RWDD2B: variants seen among roughly 807,000 people sequenced by gnomAD.
RWDD2B encodes RWD domain-containing protein 2B.
In RWDD2B, 36 loss-of-function variants were observed where a neutral mutation model predicts 33.6. That is an observed-to-expected ratio of 1.07 (90% CI 0.82 to 1.42). The LOEUF (loss-of-function observed/expected upper bound fraction) is 1.42, where lower values mean the gene tolerates loss of function less well. RWDD2B is among the 40% of genes most tolerant of loss of function. RWDD2B has a pLI of 0.00. For synonymous variants in RWDD2B, 126 were observed against 133.1 expected (o/e 0.95, Z 0.37); for missense variants, 364 against 377.5 (o/e 0.96, Z 0.30).
Position 29,006,568 on chromosome 21 carries a change from C to T in RWDD2B, c.809G>A (p.Arg270Lys). The T allele has an allele frequency of 6.2e-7, 1 of 1,613,896 alleles. No individual in the cohort carries two copies. The highest frequency in any genetic ancestry group is 8.5e-7 in the Non-Finnish European group (1 of 1,179,818). ...TTCAAAAATGGAAAATTTCCTTTGT[C>T]TTTCCGTTTCATCATTTGTACCATC... Reference protein sequence around the residue: ...PFDGTNDETERQRKFSIFEEK... With the variant: ...PFDGTNDETEKQRKFSIFEEK... Residue 270 changes from arginine (R) to lysine (K), a missense_variant, in exon 5 of 5, where the codon AGA (arginine) becomes AAA (lysine). By Grantham distance (26) the Arg-to-Lys change is conservative. Transcript: ENST00000493196.
intron 1 of RWDD2B, among the ~76,000 whole-genome samples, chr21:29,014,268 C>T (rs958828847): frequency 6.6e-6 from 1 of 152,192 alleles, no homozygotes; most frequent in Non-Finnish European, 1.5e-5. Flanking sequence ...ATAACTAACC[C>T]ACTCCTGCAG....
chr21:29,015,349 GCCT>G (rs1419579568), intron 1 of RWDD2B, among the ~76,000 whole-genome samples: 2 of 145,100 alleles, frequency 1.4e-5, no homozygotes, highest in East Asian at 4.2e-4. Context: ...TCCTGCCTCA[GCCT>G]CCTGCGTAGC....
chr21:29,012,554 T>TA (rs1313410841), intron 1 of RWDD2B, among the ~76,000 whole-genome samples: 2 of 151,776 alleles, frequency 1.3e-5, no homozygotes, highest in African/African-American at 4.8e-5. Context: ...TGTGCTTTGT[T>TA]AAACAGATGC....
intron 1 of RWDD2B, among the ~76,000 whole-genome samples, chr21:29,009,095 T>G (rs1216683001): frequency 6.6e-6 from 1 of 152,202 alleles, no homozygotes; most frequent in African/African-American, 2.4e-5. Flanking sequence ...TAATGTTTAT[T>G]AGGTTTTTTT....
rs73344721 is a variant in RWDD2B, at chr21:29,008,338, A to T, written c.295-31T>A. On this transcript the variant is annotated intron_variant, in intron 2 of 4. Coordinates refer to ENST00000493196, the MANE Select transcript of RWDD2B (RefSeq NM_016940.3). ...TAAAGAGAAGAAGAAAAAGTGCACT[A>T]ACCAATGTTTTAAGTCTCAACATGT... 4,784 of 1,612,702 alleles carry T rather than the reference A, an allele frequency of 3.0e-3. 110 individuals are homozygous for T. The African/African-American group carries it at 0.056, about 19-fold the overall frequency.
chr21:29,008,020 CTG>C lies in RWDD2B; in HGVS notation c.464_465del (p.Thr155ArgfsTer4). On this transcript the variant is annotated frameshift_variant, in exon 4 of 5. Coordinates refer to ENST00000493196, the MANE Select transcript of RWDD2B (RefSeq NM_016940.3). LOFTEE classifies it high-confidence loss of function. ...CCAGAGGCGTGTTCTCTAACCCACT[CTG>C]TGGCATTCAGTATACAAACATCTCC... is the stretch of plus-strand genomic sequence containing the variant. The part of the protein sequence containing the change: ...CHGDVCILNA[T>X]EWVREHASGY... The C allele has an allele frequency of 6.2e-7, 1 of 1,614,226 alleles. No homozygotes were observed. Among genetic ancestry groups the C allele is most frequent in the Non-Finnish European group, 8.5e-7 (1 of 1,180,038 alleles).
chr21:29,008,024 G>A lies in RWDD2B; in HGVS notation c.462C>T (p.Ala154=), dbSNP rs755578077. 1.2e-6 allele frequency: 2 copies of A among 1,614,184 alleles called. No individual in the cohort carries two copies. The highest frequency in any genetic ancestry group is 1.7e-6 in the Non-Finnish European group (2 of 1,180,040). ...HCHGDVCILN[A]TEWVREHASG... is the part of the protein sequence containing the mutation. ...AGGCGTGTTCTCTAACCCACTCTGT[G>A]GCATTCAGTATACAAACATCTCCAT... Residue 154 remains alanine (A), a synonymous_variant, in exon 4 of 5, where the codon GCC becomes GCT. Coordinates refer to ENST00000493196, the MANE Select transcript of RWDD2B (RefSeq NM_016940.3).
At position 29,004,737 on chromosome 21, in the gene RWDD2B, C is replaced by A. The variant is rs548377678; in HGVS notation, c.*1680G>T. 3.9e-5 allele frequency: 6 copies of A among 152,310 alleles called. No homozygotes were observed. The highest frequency in any genetic ancestry group is 1.4e-4 in the African/African-American group (6 of 41,554). The allele number at this position is 152,310 out of a possible 1,614,324, so 9.4% of individuals were successfully genotyped here. Reference sequence around the variant, plus strand: ...CTGGGGACGTACATAAGATTTAGGTCCAATACAAGCACTGTGCTTTAAATA... The same window carrying A: ...CTGGGGACGTACATAAGATTTAGGTACAATACAAGCACTGTGCTTTAAATA... On this transcript the variant is annotated 3_prime_UTR_variant, in exon 5 of 5. Coordinates refer to ENST00000493196, the MANE Select transcript of RWDD2B (RefSeq NM_016940.3).
At chr21:29,012,181 C>CA (rs1034116573) in intron 1 of RWDD2B, among the ~76,000 whole-genome samples, 3 of 148,108 alleles carry the variant, frequency 2.0e-5, no homozygotes, top group East Asian at 2.0e-4. Flanking sequence ...TGGTCAGCCC[C>CA]CCCCCGGGAG....
At chr21:29,016,818 T>C (rs1376784190) in intron 1 of RWDD2B, among the ~76,000 whole-genome samples, 1 of 152,184 alleles carries the variant, frequency 6.6e-6, no homozygotes. Flanking sequence ...CTTAGGCAAG[T>C]GGCTTAATTT....
At chr21:29,007,547 C>T (rs1192590802) in intron 4 of RWDD2B, among the ~76,000 whole-genome samples, 1 of 152,066 alleles carries the variant, frequency 6.6e-6, no homozygotes, top group Non-Finnish European at 1.5e-5. Flanking sequence ...ACCAAATGTC[C>T]CAGCACCATT....
At position 29,004,970 on chromosome 21, in the gene RWDD2B, A is replaced by G. The variant is rs2084821392; in HGVS notation, c.*1447T>C. Reference sequence around the variant, plus strand: ...TCTCTCACCCCAACTCCATTCCTTAACCAAGTCTGACTGGTCAAGAAATAT... The same window carrying G: ...TCTCTCACCCCAACTCCATTCCTTAGCCAAGTCTGACTGGTCAAGAAATAT... On this transcript the variant is annotated 3_prime_UTR_variant, in exon 5 of 5. Transcript: ENST00000493196. 6.6e-6 allele frequency: 1 copy of G among 152,156 alleles called. No individual in the cohort carries two copies. The highest frequency in any genetic ancestry group is 2.1e-4 in the South Asian group (1 of 4,834). 9.4% of individuals were successfully genotyped at this position (152,156 alleles called of 1,614,324 possible).
At position 29,019,337 on chromosome 21, in the gene RWDD2B, T is replaced by A; in HGVS notation, c.-60A>T. On this transcript the variant is annotated 5_prime_UTR_variant, in exon 1 of 5. Transcript: ENST00000493196. ...CCCAAAACTTACAAACCGCCTCAGC[T>A]GGCGACCTACCGGAAAAAAAAAAAA... 3 of 1,242,158 alleles carry A rather than the reference T, an allele frequency of 2.4e-6. No homozygotes were observed. Among genetic ancestry groups the A allele is most frequent in the Non-Finnish European group, 3.3e-6 (3 of 902,396 alleles). The allele number at this position is 1,242,158 out of a possible 1,614,324, so 76.9% of individuals were successfully genotyped here.
intron 1 of RWDD2B, among the ~76,000 whole-genome samples, chr21:29,011,382 C>T (rs2084858009): frequency 6.7e-6 from 1 of 149,286 alleles, no homozygotes; most frequent in Non-Finnish European, 1.5e-5. Context: ...TGAGGAGACC[C>T]TCTGCCTGGC....
intron 1 of RWDD2B, among the ~76,000 whole-genome samples, chr21:29,016,663 TA>T (rs1217314354): frequency 2.0e-5 from 3 of 152,058 alleles, no homozygotes; most frequent in African/African-American, 7.2e-5. Context: ...TTGAGAAACA[TA>T]AAAAACAACT....
At chr21:29,008,156 T>C (rs2084838548) in intron 3 of RWDD2B, 33 bp from the exon 4 acceptor site, 3 of 1,611,384 alleles carry the variant, frequency 1.9e-6, no homozygotes, top group Non-Finnish European at 1.7e-6. Context: ...AATATTGTCT[T>C]GGAACAGAAA....
At chr21:29,016,141 T>C (rs1490002425) in intron 1 of RWDD2B, among the ~76,000 whole-genome samples, 1 of 152,228 alleles carries the variant, frequency 6.6e-6, no homozygotes, top group Non-Finnish European at 1.5e-5. Flanking sequence ...TATATTAACA[T>C]ATATTTATTA....
chr21:29,017,453 A>G (rs1315872463), intron 1 of RWDD2B, among the ~76,000 whole-genome samples: 2 of 151,928 alleles, frequency 1.3e-5, no homozygotes, highest in African/African-American at 4.8e-5. Flanking sequence ...CTCTACTAAA[A>G]ATACAAAAAT....
chr21:29,008,740 T>TGA, intron 1 of RWDD2B, 119 bp from the exon 2 acceptor site: 1 of 684,924 alleles, frequency 1.5e-6, no homozygotes, highest in Non-Finnish European at 2.4e-6. Context: ...ACAATTTAAT[T>TGA]AGTCTCTTTC....
Sources: allele counts gnomAD v4.1 joint callset (sites outside exome capture counted in the v4.1 genomes callset), GRCh38; gene constraint gnomAD v4.1.1; transcripts MANE v1.5; gene names NCBI Gene and HGNC (gene_info 2026-07-23, HGNC 2026-07-21).